CAMK2B: variants seen among roughly 807,000 people sequenced by gnomAD.
CAMK2B encodes calcium/calmodulin-dependent protein kinase type II subunit beta.
CAMK2B carries 27 observed loss-of-function variants against 93.7 expected under a neutral mutation model. The observed-to-expected ratio is 0.29, with a 90% confidence interval of 0.21 to 0.40. The LOEUF is 0.40. CAMK2B is among the 10% of genes least tolerant of loss of function. The probability of loss-of-function intolerance (pLI) is 1.00; values close to 1 mark genes in which losing one functional copy is unlikely to be tolerated. For missense variants in CAMK2B, 568 were observed against 895.8 expected (o/e 0.63, Z 4.67); for synonymous variants, 374 against 358.8 (o/e 1.04, Z -0.48).
chr7:44,231,624 G>A (rs187035220), intron 16 of CAMK2B, among the ~76,000 whole-genome samples: 1 of 152,332 alleles, frequency 6.6e-6, no homozygotes, highest in African/African-American at 2.4e-5. Context: ...ATCCGCACAG[G>A]GCTCCAGGAA....
At chr7:44,298,561 G>A (rs1357603959) in intron 1 of CAMK2B, among the ~76,000 whole-genome samples, 2 of 152,178 alleles carry the variant, frequency 1.3e-5, no homozygotes, top group African/African-American at 4.8e-5. Flanking sequence ...CAAAATTTTT[G>A]TGCATCAAAG....
intron 1 of CAMK2B, among the ~76,000 whole-genome samples, chr7:44,293,834 G>A (rs1034836924): frequency 6.6e-6 from 1 of 152,134 alleles, no homozygotes; most frequent in African/African-American, 2.4e-5. Context: ...TGAGGGTTGA[G>A]GAACCCAGCT....
intron 2 of CAMK2B, among the ~76,000 whole-genome samples, chr7:44,272,799 G>A (rs1019198436): frequency 5.0e-4 from 76 of 152,324 alleles, no homozygotes; most frequent in Non-Finnish European, 1.9e-4. Context: ...CCTCCATGGG[G>A]TCCACTTGGC....
chr7:44,301,542 C>T (rs893424552), intron 1 of CAMK2B, among the ~76,000 whole-genome samples: 1 of 152,102 alleles, frequency 6.6e-6, no homozygotes, highest in Non-Finnish European at 1.5e-5. Flanking sequence ...TTTGGGAGGC[C>T]GAGGTGAGCG....
chr7:44,219,717 C>T (rs2096374584), intron 23 of CAMK2B, 195 bp from the exon 24 acceptor site: 2 of 368,634 alleles, frequency 5.4e-6, no homozygotes, highest in South Asian at 4.5e-5. Flanking sequence ...GCACCCACCA[C>T]CTGGGGAACG....
intron 10 of CAMK2B, 85 bp from the exon 11 acceptor site, chr7:44,241,868 G>A: frequency 1.8e-6 from 2 of 1,100,698 alleles, no homozygotes; most frequent in Non-Finnish European, 2.7e-6. Context: ...GCACCCTGGG[G>A]TCCCCACTTG....
At chr7:44,231,550 T>G (rs1435000146) in intron 16 of CAMK2B, among the ~76,000 whole-genome samples, 2 of 152,228 alleles carry the variant, frequency 1.3e-5, no homozygotes, top group Admixed American at 6.5e-5. Context: ...ACTGGCTGGT[T>G]CCAATGAAGC....
intron 2 of CAMK2B, among the ~76,000 whole-genome samples, chr7:44,282,896 C>T (rs979021592): frequency 3.9e-5 from 6 of 152,226 alleles, no homozygotes; most frequent in Admixed American, 6.5e-5. Context: ...CCAATTAGCT[C>T]AGATTTGTGC....
At chr7:44,284,586 C>T (rs1055281770) in intron 1 of CAMK2B, among the ~76,000 whole-genome samples, 2 of 152,190 alleles carry the variant, frequency 1.3e-5, no homozygotes, top group Non-Finnish European at 2.9e-5. Flanking sequence ...CCTTGTGGGT[C>T]GGCTGGACCA....
intron 5 of CAMK2B, among the ~76,000 whole-genome samples, chr7:44,249,648 T>C (rs2096761505): frequency 6.6e-6 from 1 of 152,166 alleles, no homozygotes; most frequent in African/African-American, 2.4e-5. Flanking sequence ...GAGTGATATG[T>C]GCAGAGCTTG....
chr7:44,241,825 C>T (rs756535944), intron 10 of CAMK2B, 42 bp from the exon 11 acceptor site: 1 of 1,536,330 alleles, frequency 6.5e-7, no homozygotes, highest in Non-Finnish European at 9.0e-7. Context: ...GAGCCCGAGG[C>T]ACAGGGGAGA....
At chr7:44,226,017 A>G in intron 20 of CAMK2B, 1 of 898,362 alleles carries the variant, frequency 1.1e-6, no homozygotes, top group Non-Finnish European at 1.5e-6. Flanking sequence ...GCCTGGCCCC[A>G]GCTGCCCCCC....
intron 2 of CAMK2B, among the ~76,000 whole-genome samples, chr7:44,276,889 C>A (rs10252113): frequency 0.24 from 36,220 of 152,128 alleles, 4,575 homozygotes; most frequent in Middle Eastern, 0.31. Context: ...ACTCAGCTTT[C>A]CCCCCATGTG....
rs527825018 is a variant in CAMK2B, at chr7:44,218,462, C to G, written c.*1063G>C. On this transcript the variant is annotated 3_prime_UTR_variant, in exon 24 of 24. Transcript: ENST00000395749. ...GGGGCTCAGGGACTTGAGCGAGGCC[C>G]GCAGTCCTTTGTCAAAAGTCTGCTC... The G allele has an allele frequency of 6.6e-6, 1 of 152,290 alleles. No individual in the cohort carries two copies. Among genetic ancestry groups the G allele is most frequent in the Non-Finnish European group, 1.5e-5 (1 of 68,082 alleles). 9.4% of individuals were successfully genotyped at this position (152,290 alleles called of 1,614,324 possible).
chr7:44,258,893 A>G lies in CAMK2B; in HGVS notation c.254T>C (p.Phe85Ser). 1 of 1,614,016 alleles carries G rather than the reference A, an allele frequency of 6.2e-7. No homozygotes were observed. The highest frequency in any genetic ancestry group is 8.5e-7 in the Non-Finnish European group (1 of 1,179,968). ...RLHDSISEEG[F>S]HYLVFDLVTG... ...TTACAGATCGAAGACCAGGTAGTGG[A>G]AGCCCTCCTCGGAGATGCTGTCGTG... is the stretch of plus-strand genomic sequence containing the variant. Residue 85 changes from phenylalanine (F) to serine (S), a missense_variant, in exon 4 of 24, where the codon TTC becomes TCC. Physicochemically the swap from Phe to Ser is radical, Grantham distance 155. Transcript: ENST00000395749.
At chr7:44,323,053 T>A (rs1796513673) in intron 1 of CAMK2B, among the ~76,000 whole-genome samples, 1 of 152,138 alleles carries the variant, frequency 6.6e-6, no homozygotes, top group Non-Finnish European at 1.5e-5. Flanking sequence ...ACATCCCCCT[T>A]AGGTGCCCTG....
At position 44,229,432 on chromosome 7, in the gene CAMK2B, A is replaced by C; in HGVS notation, c.1295T>G (p.Leu432Arg). The stretch of plus-strand genomic sequence containing the variant: ...AAAGGGAGCCGGAGATGGGCAGGGC[A>C]GGGGCCCCTCGGCTTCTGGGGCTCC... Reference protein sequence around the residue: ...GSGAPEAEGPLPCPSPAPFSP... With the variant: ...GSGAPEAEGPRPCPSPAPFSP... Residue 432 changes from leucine to arginine, a missense_variant, in exon 18 of 24, where the codon CTG becomes CGG. Physicochemically the swap from Leu to Arg is moderately radical, Grantham distance 102. Around this residue, in one of 4 missense-constraint regions of CAMK2B, gnomAD observed 308 missense variants for 292.1 expected, o/e 1.05. Transcript: ENST00000395749. 1 of 1,499,140 alleles carries C rather than the reference A, an allele frequency of 6.7e-7. No individual in the cohort carries two copies. The highest frequency in any genetic ancestry group is 1.3e-5 in the South Asian group (1 of 76,984). The allele number at this position is 1,499,140 out of a possible 1,614,324, so 92.9% of individuals were successfully genotyped here. A position where few individuals can be genotyped will look rare whatever the true frequency, so the allele number is the denominator to read the frequency against.
At position 44,273,661 on chromosome 7, in the gene CAMK2B, C is replaced by T. The variant is rs1419527060; in HGVS notation, c.160+10470G>A. On this transcript the variant is annotated intron_variant, in intron 2 of 23. Transcript: ENST00000395749. ...AGCCGGGACACTGGCTCAGGCCAGC[C>T]CCTGGGGGTGCAGGACCCACCCTGT... Among the ~76,000 whole-genome samples, 7 of 152,334 alleles carry T rather than the reference C, an allele frequency of 4.6e-5. No homozygotes were observed. In the East Asian group the frequency reaches 1.4e-3, roughly 29 times the overall value.
intron 2 of CAMK2B, among the ~76,000 whole-genome samples, chr7:44,273,502 G>C (rs992404484): frequency 1.7e-4 from 25 of 151,440 alleles, no homozygotes; most frequent in Admixed American, 1.4e-3. Flanking sequence ...ACAGTGACAG[G>C]AGGGGCTTGC....
Sources: gnomAD v4.1 joint callset for allele counts (sites outside exome capture counted in the v4.1 genomes callset) on GRCh38, gnomAD v4.1.1 for gene constraint, gnomAD v4.1.1 regional missense constraint, MANE v1.5 for transcripts, NCBI Gene and HGNC (gene_info 2026-07-23, HGNC 2026-07-21) for gene names.